Variants in ARHGAP31 observed in about 807,000 individuals in gnomAD.
ARHGAP31 encodes the protein Rho GTPase activating protein 31.
ARHGAP31 carries 34 observed loss-of-function variants against 113.9 expected under a neutral mutation model. The observed-to-expected ratio is 0.30, with a 90% CI of 0.23 to 0.40. The LOEUF (loss-of-function observed/expected upper bound fraction) is 0.40. Among genes scored for constraint, ARHGAP31 ranks in the 10% least tolerant of loss-of-function variants. The pLI, the probability that ARHGAP31 is intolerant of heterozygous loss-of-function variation, is 1.00. For synonymous variants in ARHGAP31, 650 were observed against 684.8 expected (o/e 0.95, Z 0.79); for missense variants, 1,548 against 1,767.1 (o/e 0.88, Z 2.22).
intron 2 of ARHGAP31, among the ~76,000 whole-genome samples, chr3:119,367,869 A>G (rs907752848): frequency 9.2e-5 from 14 of 151,838 alleles, no homozygotes; most frequent in Non-Finnish European, 1.8e-4. Flanking sequence ...AAAAAAGAAA[A>G]AAAAAAAAAA....
chr3:119,386,183 T>C (rs2080446545), intron 6 of ARHGAP31, among the ~76,000 whole-genome samples: 1 of 152,256 alleles, frequency 6.6e-6, no homozygotes, highest in Admixed American at 6.5e-5. Context: ...AGCCCTATTC[T>C]CTGGAATTTT....
intron 3 of ARHGAP31, among the ~76,000 whole-genome samples, chr3:119,375,953 G>A (rs1577018394): frequency 6.6e-6 from 1 of 152,236 alleles, no homozygotes; most frequent in Non-Finnish European, 1.5e-5. Flanking sequence ...CACGGCTCCA[G>A]CAACCCTTCT....
chr3:119,353,455 T>C (rs2080128563), intron 1 of ARHGAP31, among the ~76,000 whole-genome samples: 1 of 152,152 alleles, frequency 6.6e-6, no homozygotes, highest in Non-Finnish European at 1.5e-5. Context: ...CAGAGATAAA[T>C]ACCTCCCTCA....
At chr3:119,380,477 T>C (rs1019015358) in intron 3 of ARHGAP31, among the ~76,000 whole-genome samples, 5 of 152,196 alleles carry the variant, frequency 3.3e-5, no homozygotes, top group Middle Eastern at 3.4e-3. Flanking sequence ...ATCCAAACTC[T>C]TGTGCTCAAG....
chr3:119,303,840 G>A (rs1451196358), intron 1 of ARHGAP31, among the ~76,000 whole-genome samples: 3 of 151,940 alleles, frequency 2.0e-5, no homozygotes, highest in Non-Finnish European at 4.4e-5. Context: ...TGTCGCCCGG[G>A]CTGGAATACA....
At chr3:119,356,156 A>G (rs2080155563) in intron 1 of ARHGAP31, among the ~76,000 whole-genome samples, 1 of 152,234 alleles carries the variant, frequency 6.6e-6, no homozygotes, top group Non-Finnish European at 1.5e-5. Flanking sequence ...AAAATTCAAA[A>G]GTACAAAAGA....
At chr3:119,365,522 G>A in intron 2 of ARHGAP31, 104 bp downstream of exon 2, 1 of 1,013,894 alleles carries the variant, frequency 9.9e-7, no homozygotes, top group Non-Finnish European at 1.5e-6. Context: ...AGGAACTGAG[G>A]GAAGTGTGGC....
chr3:119,409,373 G>A (rs989657227), intron 10 of ARHGAP31, 123 bp from the exon 11 acceptor site: 13 of 1,139,246 alleles, frequency 1.1e-5, no homozygotes, highest in Non-Finnish European at 1.7e-5. Flanking sequence ...AAGGGGCGGT[G>A]AGCTGAGGGA....
intron 11 of ARHGAP31, among the ~76,000 whole-genome samples, chr3:119,411,988 G>A (rs1031570211): frequency 2.0e-5 from 3 of 152,188 alleles, no homozygotes; most frequent in East Asian, 1.9e-4. Flanking sequence ...GAGAAGGGAC[G>A]AGAGGTCAGC....
intron 6 of ARHGAP31, among the ~76,000 whole-genome samples, chr3:119,388,810 T>C (rs2080477430): frequency 6.6e-6 from 1 of 152,142 alleles, no homozygotes; most frequent in Admixed American, 6.5e-5. Context: ...GGTACCACAG[T>C]AGAGCAGAGG....
rs1403025846 is a variant in ARHGAP31, at chr3:119,393,451, G to A, written c.882-16G>A. The A allele has an allele frequency of 6.2e-7, 1 of 1,613,964 alleles. No homozygotes were observed. On this transcript the variant is annotated splice_polypyrimidine_tract_variant and intron_variant, in intron 7 of 11. Coordinates refer to ENST00000264245, the MANE Select transcript of ARHGAP31 (RefSeq NM_020754.4). ...ACAAGTTAACAAACTAACCCCTTAT[G>A]CCTTGGTTCTTTTAGGCGAAAGCTC...
chr3:119,346,179 C>T (rs75433070), intron 1 of ARHGAP31, among the ~76,000 whole-genome samples: 11,628 of 152,290 alleles, frequency 0.076, 629 homozygotes, highest in Admixed American at 0.17. Flanking sequence ...CCCAGCAGCT[C>T]TGACTGCACC....
At chr3:119,316,933 T>C (rs2079737272) in intron 1 of ARHGAP31, among the ~76,000 whole-genome samples, 1 of 152,218 alleles carries the variant, frequency 6.6e-6, no homozygotes, top group East Asian at 1.9e-4. Context: ...CAACCATTTA[T>C]CCCCTATGTC....
Position 119,382,411 on chromosome 3 carries a change from A to G in ARHGAP31, c.539+12A>G, listed in dbSNP as rs767235130. ...CCAAACCTCCTCAGGTAACCACTCT[A>G]CCCTCCCCTTGTCACCAGCCCAGGG... On this transcript the variant is annotated intron_variant, in intron 5 of 11. Coordinates refer to ENST00000264245, the MANE Select transcript of ARHGAP31 (RefSeq NM_020754.4). 3.7e-6 allele frequency: 6 copies of G among 1,611,416 alleles called. No homozygotes were observed. Among genetic ancestry groups the G allele is most frequent in the Non-Finnish European group, 5.1e-6 (6 of 1,177,868 alleles).
chr3:119,355,757 T>C (rs2080150334), intron 1 of ARHGAP31, among the ~76,000 whole-genome samples: 1 of 152,226 alleles, frequency 6.6e-6, no homozygotes, highest in African/African-American at 2.4e-5. Flanking sequence ...GTCTTTGCGA[T>C]AGTTTGCTCA....
At chr3:119,410,781 TGGCATCACTGTAGTGA>T (rs2080708429) in intron 11 of ARHGAP31, among the ~76,000 whole-genome samples, 2 of 152,240 alleles carry the variant, frequency 1.3e-5, no homozygotes, top group Non-Finnish European at 2.9e-5. Flanking sequence ...TGCCAGGCAC[TGGCATCACTGTAGTGA>T]ACAAGGCTTT....
rs769234189 is a variant in ARHGAP31 at position 119,402,280 on chromosome 3, A to C, written c.1528A>C (p.Arg510=). 4 of 1,614,154 alleles carry C rather than the reference A, an allele frequency of 2.5e-6. No individual in the cohort carries two copies. The highest frequency in any genetic ancestry group is 2.2e-5 in the South Asian group (2 of 91,092). Residue 510 remains arginine, a synonymous_variant, in exon 10 of 12, where the codon AGA becomes CGA. Coordinates refer to ENST00000264245, the MANE Select transcript of ARHGAP31 (RefSeq NM_020754.4). The part of the protein sequence containing the change: ...AVISTNSTPC[R]TPPKELQSLS... ...CATCAGCACCAACAGCACGCCGTGC[A>C]GAACACCCCCGAAGGAGCTGCAGTC...
At chr3:119,327,542 C>T (rs2079856784) in intron 1 of ARHGAP31, among the ~76,000 whole-genome samples, 1 of 152,178 alleles carries the variant, frequency 6.6e-6, no homozygotes, top group African/African-American at 2.4e-5. Context: ...GAGACAATGT[C>T]TCAAAAAAAT....
Position 119,295,820 on chromosome 3 carries a change from GA to G in ARHGAP31, c.100+819del, listed in dbSNP as rs1439228065. Among the ~76,000 whole-genome samples, 9 of 152,240 alleles carry G rather than the reference GA, an allele frequency of 5.9e-5. No homozygotes were observed. In the East Asian group the frequency reaches 1.7e-3, roughly 29 times the overall value. On this transcript the variant is annotated intron_variant, in intron 1 of 11. Transcript: ENST00000264245. ...ATTTAAACATTTGTTGGGGAAGGGG[GA>G]AAGAAAACACCATCTAGATTACAAT... is the stretch of plus-strand genomic sequence containing the variant.
Sources: gnomAD v4.1 joint callset for allele counts (sites outside exome capture counted in the v4.1 genomes callset) on GRCh38, gnomAD v4.1.1 for gene constraint, MANE v1.5 for transcripts, NCBI Gene and HGNC (gene_info 2026-07-23, HGNC 2026-07-21) for gene names.